Variants in CEP192 observed in about 807,000 individuals in gnomAD.
CEP192 encodes the protein centrosomal protein of 192 kDa.
In CEP192, 151 loss-of-function variants were observed where a neutral mutation model predicts 271.8. That is an observed-to-expected ratio of 0.56 (90% CI 0.49 to 0.64). CEP192 has a LOEUF of 0.64. Among genes scored for constraint, CEP192 ranks in the 30% least tolerant of loss-of-function variants. The pLI is 0.00. For missense variants in CEP192, 2,910 were observed against 3,020.5 expected (o/e 0.96, Z 0.86); for synonymous variants, 995 against 1,076.5 (o/e 0.92, Z 1.48).
At chr18:13,018,401 C>T in intron 7 of CEP192, 79 bp from the exon 8 acceptor site, 1 of 869,136 alleles carries the variant, frequency 1.2e-6, no homozygotes, top group Non-Finnish European at 1.7e-6. Context: ...TGGCATCCTT[C>T]AGTAAAGCCA....
rs775491970 is a variant in CEP192, at chr18:13,056,225, G to C, written c.3635G>C (p.Ser1212Thr). 4 of 1,614,120 alleles carry C rather than the reference G, an allele frequency of 2.5e-6. No homozygotes were observed. Among genetic ancestry groups the C allele is most frequent in the Non-Finnish European group, 2.5e-6 (3 of 1,179,980 alleles). Residue 1212 changes from serine to threonine, a missense_variant, in exon 19 of 45, where the codon AGT becomes ACT. Physicochemically the swap from Ser to Thr is moderately conservative, Grantham distance 58. Coordinates refer to ENST00000506447, the MANE Select transcript of CEP192 (RefSeq NM_032142.4). ...KDKSTAGREF[S>T]GQVSHQTTSE... Reference sequence around the variant, plus strand: ...AAGTCAACTGCTGGCCGTGAGTTCAGTGGCCAGGTTTCTCATCAGACCACC... The same window carrying C: ...AAGTCAACTGCTGGCCGTGAGTTCACTGGCCAGGTTTCTCATCAGACCACC...
chr18:13,086,897 T>C (rs1236946027), intron 30 of CEP192, 120 bp from the exon 31 acceptor site: 2 of 696,822 alleles, frequency 2.9e-6, no homozygotes, highest in South Asian at 2.2e-5. Flanking sequence ...CTACCCAAAG[T>C]ACACAAACAT....
At chr18:13,008,743 G>A (rs959790274) in intron 4 of CEP192, 112 bp downstream of exon 4, 60 of 815,082 alleles carry the variant, frequency 7.4e-5, no homozygotes, top group Admixed American at 1.5e-4. Context: ...CACTCCTGTC[G>A]CCCAGGCTGG....
In CEP192 at chr18:13,059,148, G is replaced by A. The variant is rs1441425048; in HGVS notation, c.4324G>A (p.Glu1442Lys). Residue 1442 changes from glutamate to lysine, a missense_variant, in exon 21 of 45, where the codon GAA (glutamate) becomes AAA (lysine). Glu to Lys is a moderately conservative substitution (Grantham distance 56). Transcript: ENST00000506447. ...NKAIIRPHAT[E>K]EIKVLFIPSS... ...AGCCATCATAAGACCTCATGCCACAGAAGAGATAAAAGTGCTTTTTATACC... is the reference window on the plus strand; with the variant it reads ...AGCCATCATAAGACCTCATGCCACAAAAGAGATAAAAGTGCTTTTTATACC... The A allele has an allele frequency of 1.2e-6, 2 of 1,614,104 alleles. No homozygotes were observed. The highest frequency in any genetic ancestry group is 1.7e-6 in the Non-Finnish European group (2 of 1,179,982).
At chr18:13,029,068 C>T (rs547820002) in intron 9 of CEP192, among the ~76,000 whole-genome samples, 3 of 152,264 alleles carry the variant, frequency 2.0e-5, no homozygotes, top group East Asian at 1.9e-4. Flanking sequence ...CAAATGTCCA[C>T]TAACAGTACT....
At chr18:13,042,145 C>T (rs1023777439) in intron 14 of CEP192, 59 bp from the exon 15 acceptor site, 12 of 1,442,700 alleles carry the variant, frequency 8.3e-6, no homozygotes, top group Non-Finnish European at 1.1e-5. Flanking sequence ...CCTTATTCCA[C>T]AGACTGTGTT....
chr18:13,001,263 G>A (rs2033625153), intron 2 of CEP192, among the ~76,000 whole-genome samples, 194 bp from the exon 3 acceptor site: 1 of 152,120 alleles, frequency 6.6e-6, no homozygotes, highest in Admixed American at 6.5e-5. Flanking sequence ...CTGTATTGTT[G>A]AATACAGATA....
chr18:13,086,857 A>G (rs1464699076), intron 30 of CEP192, among the ~76,000 whole-genome samples, 160 bp from the exon 31 acceptor site: 1 of 152,226 alleles, frequency 6.6e-6, no homozygotes, highest in East Asian at 1.9e-4. Flanking sequence ...AAAGTCTTGA[A>G]TATACTGCTG....
intron 30 of CEP192, among the ~76,000 whole-genome samples, chr18:13,078,401 A>C (rs1215915757): frequency 3.9e-5 from 6 of 152,188 alleles, no homozygotes; most frequent in African/African-American, 1.4e-4. Flanking sequence ...ATATGTGTGC[A>C]TGTGTCTTTA....
chr18:13,002,687 A>C (rs984136578), intron 3 of CEP192, among the ~76,000 whole-genome samples: 4 of 152,202 alleles, frequency 2.6e-5, no homozygotes, highest in African/African-American at 4.8e-5. Context: ...TACAGGTAAA[A>C]ATAATTTATA....
At chr18:13,019,922 C>T (rs1265851340) in intron 9 of CEP192, among the ~76,000 whole-genome samples, 2 of 151,932 alleles carry the variant, frequency 1.3e-5, no homozygotes, top group African/African-American at 4.8e-5. Context: ...AAGCAATTCT[C>T]CTGTCTCAGC....
At chr18:13,110,113 T>G (rs2040142323) in intron 40 of CEP192, among the ~76,000 whole-genome samples, 1 of 152,222 alleles carries the variant, frequency 6.6e-6, no homozygotes, top group Admixed American at 6.5e-5. Flanking sequence ...TATTCTTTGT[T>G]CATTCTAAGA....
At chr18:13,115,078 T>G (rs1017215827) in intron 42 of CEP192, among the ~76,000 whole-genome samples, 5 of 152,156 alleles carry the variant, frequency 3.3e-5, no homozygotes, top group African/African-American at 1.2e-4. Flanking sequence ...ATAAATTTAG[T>G]CATTTATTTT....
At chr18:13,096,088 G>A (rs1045614266) in intron 35 of CEP192, 96 bp from the exon 36 acceptor site, 1 of 1,249,684 alleles carries the variant, frequency 8.0e-7, no homozygotes. Context: ...TAGCATACTT[G>A]TATATCTATT....
Position 13,116,397 on chromosome 18 carries a change from G to A in CEP192, c.7310G>A (p.Arg2437His), listed in dbSNP as rs770005326. Residue 2437 changes from arginine to histidine, a missense_variant, in exon 43 of 45, where the codon CGT (arginine) becomes CAT (histidine). By Grantham distance (29) the Arg-to-His change is conservative (BLOSUM62 0). Transcript: ENST00000506447. Reference protein sequence around the residue: ...RIPEQLDVTARGVYAPEDVYR... With the variant: ...RIPEQLDVTAHGVYAPEDVYR... ...AGCAGGCAGCTTGATGTGACTGCTCGTGGAGTTTATGCCCCAGAGGATGTG... is the reference window on the plus strand; with the variant it reads ...AGCAGGCAGCTTGATGTGACTGCTCATGGAGTTTATGCCCCAGAGGATGTG... 7.4e-6 allele frequency: 12 copies of A among 1,612,090 alleles called. No homozygotes were observed. The highest frequency in any genetic ancestry group is 4.5e-5 in the East Asian group (2 of 44,808).
At chr18:12,996,242 C>G (rs886721517) in intron 1 of CEP192, among the ~76,000 whole-genome samples, 1 of 151,810 alleles carries the variant, frequency 6.6e-6, no homozygotes, top group African/African-American at 2.4e-5. Context: ...GCAGCAAGGT[C>G]CTGGGCAGGT....
chr18:13,113,740 A>G (rs752450706), intron 41 of CEP192, 35 bp downstream of exon 41: 2 of 1,554,850 alleles, frequency 1.3e-6, no homozygotes, highest in South Asian at 1.2e-5. Flanking sequence ...AAATTATTGT[A>G]TGTATTTTAA....
Position 13,049,615 on chromosome 18 carries a change from G to A in CEP192, c.2824G>A (p.Glu942Lys). The A allele has an allele frequency of 6.2e-7, 1 of 1,613,752 alleles. No individual in the cohort carries two copies. The highest frequency in any genetic ancestry group is 8.5e-7 in the Non-Finnish European group (1 of 1,179,934). ...TCAGAGGCAAAATGAGTGTGTCAGT[G>A]AAATAAGCAACAGTGAGAAGCATGT... ...ENQRQNECVS[E>K]ISNSEKHVTF... Residue 942 changes from glutamate to lysine, a missense_variant, in exon 16 of 45, where the codon GAA becomes AAA. Transcript: ENST00000506447.
At chr18:13,113,016 C>T (rs1279828463) in intron 40 of CEP192, among the ~76,000 whole-genome samples, 4 of 152,232 alleles carry the variant, frequency 2.6e-5, no homozygotes, top group Non-Finnish European at 5.9e-5. Flanking sequence ...ACAGGTTGTA[C>T]ACATGCAGGG....
Sources: gnomAD v4.1 joint callset for allele counts (sites outside exome capture counted in the v4.1 genomes callset) on GRCh38, gnomAD v4.1.1 for gene constraint, MANE v1.5 for transcripts, NCBI Gene and HGNC (gene_info 2026-07-23, HGNC 2026-07-21) for gene names.